PDCD6IP: variants seen among roughly 807,000 people sequenced by gnomAD.
PDCD6IP encodes the protein programmed cell death 6 interacting protein.
PDCD6IP carries 43 observed loss-of-function variants against 103.7 expected under a neutral mutation model. The ratio of observed to expected loss-of-function variants is 0.41; its 90% CI spans 0.32 to 0.53. The LOEUF (loss-of-function observed/expected upper bound fraction) is 0.53. Among genes scored for constraint, PDCD6IP ranks in the 20% least tolerant of loss-of-function variants. The pLI, the probability that PDCD6IP is intolerant of heterozygous loss-of-function variation, is 0.16. For missense variants in PDCD6IP, 871 were observed against 1,036.7 expected (o/e 0.84, Z 2.20); for synonymous variants, 354 against 378.7 (o/e 0.93, Z 0.76).
intron 9 of PDCD6IP, among the ~76,000 whole-genome samples, chr3:33,840,090 C>A (rs1224176992): frequency 2.0e-5 from 3 of 152,122 alleles, no homozygotes; most frequent in Non-Finnish European, 2.9e-5. Context: ...CATATAACTT[C>A]TGAGTCCCCA....
chr3:33,848,462 T>A (rs565460793), intron 12 of PDCD6IP, among the ~76,000 whole-genome samples: 1 of 151,868 alleles, frequency 6.6e-6, no homozygotes, highest in African/African-American at 2.4e-5. Context: ...TGGAGAGCAG[T>A]GGCGCAATCT....
At chr3:33,826,772 A>G in intron 6 of PDCD6IP, 192 bp downstream of exon 6, 5 of 1,335,462 alleles carry the variant, frequency 3.7e-6, no homozygotes, top group Non-Finnish European at 4.8e-6. Flanking sequence ...TGTTTAGGGG[A>G]TGCCTTTGTC....
intron 15 of PDCD6IP, among the ~76,000 whole-genome samples, chr3:33,857,112 A>G (rs1014909296): frequency 6.6e-6 from 1 of 152,138 alleles, no homozygotes; most frequent in Non-Finnish European, 1.5e-5. Flanking sequence ...AGTTGTTTTT[A>G]GAATATTTCT....
chr3:33,858,409 C>G (rs1394908413), intron 15 of PDCD6IP, among the ~76,000 whole-genome samples: 1 of 152,106 alleles, frequency 6.6e-6, no homozygotes, highest in Admixed American at 6.6e-5. Context: ...TGGTTTGAGC[C>G]CTAGAGTTCT....
At chr3:33,833,469 C>T (rs1192869582) in intron 7 of PDCD6IP, among the ~76,000 whole-genome samples, 1 of 152,048 alleles carries the variant, frequency 6.6e-6, no homozygotes, top group Non-Finnish European at 1.5e-5. Context: ...TGTCTGTTTT[C>T]CCTTTTGCTC....
At chr3:33,802,523 CTT>C (rs1696499252) in intron 1 of PDCD6IP, among the ~76,000 whole-genome samples, 1 of 143,036 alleles carries the variant, frequency 7.0e-6, no homozygotes, top group African/African-American at 2.6e-5. Flanking sequence ...GAGTTTTGCT[CTT>C]GTTACCCAGG....
At chr3:33,812,989 T>C (rs1423172156) in intron 2 of PDCD6IP, among the ~76,000 whole-genome samples, 3 of 152,224 alleles carry the variant, frequency 2.0e-5, no homozygotes, top group African/African-American at 7.2e-5. Flanking sequence ...TTGTATGTGA[T>C]AATACATATT....
At chr3:33,812,562 A>G (rs1186469914) in intron 2 of PDCD6IP, among the ~76,000 whole-genome samples, 3 of 152,378 alleles carry the variant, frequency 2.0e-5, no homozygotes, top group Admixed American at 6.5e-5. Context: ...ATGAATGTCA[A>G]CTATTTTCTC....
rs765094933 is a variant in PDCD6IP at position 33,822,067 on chromosome 3, T to G, written c.447T>G (p.Ala149=). Residue 149 remains alanine (A), a synonymous_variant, in exon 4 of 18, where the codon GCT becomes GCG. Transcript: ENST00000307296. The part of the protein sequence containing the change: ...NLDNDEGLKI[A]AKHYQFASGA... ...ATAATGATGAAGGATTGAAAATCGCTGCTAAACATTACCAGGTATGCTGAA... is the reference window on the plus strand; with the variant it reads ...ATAATGATGAAGGATTGAAAATCGCGGCTAAACATTACCAGGTATGCTGAA... The G allele has an allele frequency of 6.2e-7, 1 of 1,614,126 alleles. No individual in the cohort carries two copies.
chr3:33,812,038 C>A (rs1450699059), intron 1 of PDCD6IP, 34 bp from the exon 2 acceptor site: 1 of 1,569,336 alleles, frequency 6.4e-7, no homozygotes. Flanking sequence ...TAATATTTAG[C>A]TCTGGTAATT....
intron 13 of PDCD6IP, 106 bp from the exon 14 acceptor site, chr3:33,853,773 A>G (rs1246760276): frequency 1.0e-6 from 1 of 999,160 alleles, no homozygotes; most frequent in East Asian, 3.4e-5. Flanking sequence ...TTGCATATGT[A>G]TTTAATTACA....
chr3:33,809,904 G>A (rs1482085040), intron 1 of PDCD6IP, among the ~76,000 whole-genome samples: 5 of 152,180 alleles, frequency 3.3e-5, no homozygotes, highest in Non-Finnish European at 2.9e-5. Context: ...AGGAGTACCA[G>A]CGAAGTGATG....
intron 8 of PDCD6IP, 94 bp from the exon 9 acceptor site, chr3:33,838,110 C>T (rs1306817988): frequency 4.7e-6 from 5 of 1,062,678 alleles, no homozygotes; most frequent in Non-Finnish European, 5.7e-6. Flanking sequence ...TATTTATAGA[C>T]TATGTGAATA....
intron 9 of PDCD6IP, among the ~76,000 whole-genome samples, chr3:33,839,191 TTCTC>T (rs1464527566): frequency 6.6e-6 from 1 of 152,174 alleles, no homozygotes; most frequent in African/African-American, 2.4e-5. Flanking sequence ...CCTAAAAAAA[TTCTC>T]TCATGCCCCT....
intron 11 of PDCD6IP, 91 bp from the exon 12 acceptor site, chr3:33,845,328 A>T (rs1697568256): frequency 1.1e-6 from 1 of 873,760 alleles, no homozygotes; most frequent in African/African-American, 1.7e-5. Context: ...AGGATAAGTA[A>T]AGTTGGAGAC....
chr3:33,861,167 T>A (rs1278282708), intron 15 of PDCD6IP, among the ~76,000 whole-genome samples: 3 of 151,326 alleles, frequency 2.0e-5, no homozygotes, highest in Non-Finnish European at 4.4e-5. Context: ...TTTTGTGAGA[T>A]GGAGTCTTGC....
chr3:33,835,343 G>T (rs550195750), intron 7 of PDCD6IP: 1 of 456,242 alleles, frequency 2.2e-6, no homozygotes, highest in East Asian at 6.9e-5. Context: ...TCTGTGTTGT[G>T]TGGTTTCCAG....
chr3:33,823,432 T>C (rs1279805105), intron 4 of PDCD6IP, among the ~76,000 whole-genome samples: 1 of 152,208 alleles, frequency 6.6e-6, no homozygotes, highest in African/African-American at 2.4e-5. Flanking sequence ...TGGGCATAGA[T>C]GACAAACATA....
At chr3:33,806,168 C>T (rs1038154791) in intron 1 of PDCD6IP, among the ~76,000 whole-genome samples, 1 of 152,066 alleles carries the variant, frequency 6.6e-6, no homozygotes, top group African/African-American at 2.4e-5. Flanking sequence ...ATATTTGTGC[C>T]AAAGTGGTTG....
Sources: gnomAD v4.1 joint callset for allele counts (sites outside exome capture counted in the v4.1 genomes callset) on GRCh38, gnomAD v4.1.1 for gene constraint, MANE v1.5 for transcripts, NCBI Gene and HGNC (gene_info 2026-07-23, HGNC 2026-07-21) for gene names.